CNTN5: variants seen among roughly 807,000 people sequenced by gnomAD.
The protein encoded by CNTN5 is contactin 5.
A neutral mutation model predicts 129.1 loss-of-function variants in CNTN5; 77 were observed. The ratio of observed to expected loss-of-function variants is 0.60; its 90% CI spans 0.50 to 0.72. The LOEUF (loss-of-function observed/expected upper bound fraction) is 0.72. Among genes scored for constraint, CNTN5 ranks in the 30% least tolerant of loss-of-function variants. CNTN5 has a pLI of 0.00. For missense variants in CNTN5, 1,478 were observed against 1,328.8 expected, an observed-to-expected ratio of 1.11 and a Z score of -1.75; for synonymous variants, 509 against 465.6, an observed-to-expected ratio of 1.09 and a Z score of -1.20.
At chr11:99,088,756 G>T (rs1031163093) in intron 1 of CNTN5, among the ~76,000 whole-genome samples, 7 of 152,146 alleles carry the variant, frequency 4.6e-5, no homozygotes, top group African/African-American at 1.4e-4. Flanking sequence ...TGCATGTCAA[G>T]GTAGAAGAGG....
chr11:100,052,797 A>G (rs1383908318), intron 9 of CNTN5, among the ~76,000 whole-genome samples: 1 of 151,828 alleles, frequency 6.6e-6, no homozygotes. Context: ...TACTTAATTT[A>G]AAGATTTACT....
chr11:99,602,756 C>G (rs576133952), intron 3 of CNTN5, among the ~76,000 whole-genome samples: 1 of 150,712 alleles, frequency 6.6e-6, no homozygotes, highest in Admixed American at 6.6e-5. Flanking sequence ...GATCTGAGAA[C>G]GGGCAGACTG....
chr11:100,110,634 TATA>T (rs1357480655), intron 13 of CNTN5, among the ~76,000 whole-genome samples: 1 of 152,212 alleles, frequency 6.6e-6, no homozygotes, highest in Non-Finnish European at 1.5e-5. Flanking sequence ...TAATAGAAAC[TATA>T]ATTGTCTATA....
chr11:99,905,373 C>T (rs976105160), intron 6 of CNTN5, among the ~76,000 whole-genome samples: 3 of 152,156 alleles, frequency 2.0e-5, no homozygotes, highest in African/African-American at 7.2e-5. Flanking sequence ...GCCAGTTTTG[C>T]AAATAGCGTT....
At chr11:100,285,326 T>C (rs1446195921) in intron 18 of CNTN5, among the ~76,000 whole-genome samples, 1 of 152,192 alleles carries the variant, frequency 6.6e-6, no homozygotes, top group African/African-American at 2.4e-5. Context: ...ATACCCTCAC[T>C]GTGAGAAGTC....
intron 4 of CNTN5, among the ~76,000 whole-genome samples, chr11:99,834,763 G>T (rs1002675259): frequency 1.3e-5 from 2 of 152,076 alleles, no homozygotes; most frequent in African/African-American, 4.8e-5. Context: ...GATAGATGGG[G>T]TTACTACTAA....
chr11:99,305,414 A>G (rs1283998854), intron 1 of CNTN5, among the ~76,000 whole-genome samples: 1 of 152,190 alleles, frequency 6.6e-6, no homozygotes, highest in East Asian at 1.9e-4. Flanking sequence ...AGAATTTGTC[A>G]CTTGGTAAAG....
chr11:99,380,768 C>CAAAAAAAAA (rs769229566), intron 2 of CNTN5, among the ~76,000 whole-genome samples: 4 of 102,444 alleles, frequency 3.9e-5, no homozygotes, highest in Non-Finnish European at 5.4e-5. Context: ...AACTCTATCT[C>CAAAAAAAAA]AAAAAAAAAA....
intron 1 of CNTN5, among the ~76,000 whole-genome samples, chr11:99,219,142 A>C (rs1442539188): frequency 6.6e-6 from 1 of 152,044 alleles, no homozygotes; most frequent in Non-Finnish European, 1.5e-5. Context: ...ATATTTACTA[A>C]GTGACTGATA....
At position 99,255,310 on chromosome 11, in the gene CNTN5, G is replaced by A. The variant is rs568581291; in HGVS notation, c.-209-70036G>A. On this transcript the variant is annotated intron_variant, in intron 1 of 24. Transcript: ENST00000524871. Reference sequence around the variant, plus strand: ...ATATAGTTATTTAACTATATGTAACGAATAGTATTTAACATATAGTTACTA... The same window carrying A: ...ATATAGTTATTTAACTATATGTAACAAATAGTATTTAACATATAGTTACTA... 1.5e-3 allele frequency among the ~76,000 whole-genome samples: 221 copies of A among 151,714 alleles called. 2 individuals carry two copies. The highest frequency in any genetic ancestry group is 0.012 in the Admixed American group (187 of 15,196).
At chr11:99,392,085 A>G (rs1591616717) in intron 2 of CNTN5, among the ~76,000 whole-genome samples, 4 of 150,508 alleles carry the variant, frequency 2.7e-5, no homozygotes, top group Admixed American at 2.0e-4. Context: ...GGTGTGTAGA[A>G]CTTGGACTAC....
intron 10 of CNTN5, among the ~76,000 whole-genome samples, chr11:100,070,165 C>CAAAA (rs3061793): frequency 1.6e-4 from 17 of 109,274 alleles, no homozygotes; most frequent in African/African-American, 3.2e-4. Flanking sequence ...ACTTAAAGTC[C>CAAAA]AAAAAAAAAA....
At chr11:99,076,537 G>A (rs1865584721) in intron 1 of CNTN5, among the ~76,000 whole-genome samples, 1 of 152,014 alleles carries the variant, frequency 6.6e-6, no homozygotes, top group South Asian at 2.1e-4. Context: ...TTCAGGTAAT[G>A]ATCTCAGTGT....
chr11:99,152,544 G>A (rs1196634933), intron 1 of CNTN5, among the ~76,000 whole-genome samples: 2 of 152,146 alleles, frequency 1.3e-5, no homozygotes, highest in African/African-American at 4.8e-5. Context: ...GTCATTGCAT[G>A]TGAGATGGAT....
intron 2 of CNTN5, among the ~76,000 whole-genome samples, chr11:99,529,860 T>C (rs1017451428): frequency 6.6e-6 from 1 of 151,650 alleles, no homozygotes; most frequent in East Asian, 1.9e-4. Flanking sequence ...AATATGAGAA[T>C]GAAAAACCAG....
At chr11:99,332,340 T>C (rs918519272) in intron 2 of CNTN5, among the ~76,000 whole-genome samples, 1 of 152,036 alleles carries the variant, frequency 6.6e-6, no homozygotes, top group Non-Finnish European at 1.5e-5. Context: ...ACATGCTGCA[T>C]AATAACTGAT....
intron 7 of CNTN5, among the ~76,000 whole-genome samples, chr11:99,954,625 G>GT (rs1011091954): frequency 6.6e-5 from 10 of 152,020 alleles, no homozygotes; most frequent in Non-Finnish European, 1.2e-4. Flanking sequence ...TAGATTTATA[G>GT]TTTTTTTATG....
chr11:99,964,397 C>G (rs1164950088), intron 8 of CNTN5, among the ~76,000 whole-genome samples: 1 of 152,112 alleles, frequency 6.6e-6, no homozygotes, highest in Admixed American at 6.5e-5. Context: ...AGGCCTTTTT[C>G]TGCATCTATT....
chr11:99,129,746 C>T (rs1408330042), intron 1 of CNTN5, among the ~76,000 whole-genome samples: 1 of 152,180 alleles, frequency 6.6e-6, no homozygotes, highest in African/African-American at 2.4e-5. Context: ...GGAAACCCAT[C>T]AGACTAACAG....
Sources: gnomAD v4.1 joint callset for allele counts (sites outside exome capture counted in the v4.1 genomes callset) on GRCh38, gnomAD v4.1.1 for gene constraint, MANE v1.5 for transcripts, NCBI Gene and HGNC (gene_info 2026-07-23, HGNC 2026-07-21) for gene names.